ARF1: variants seen among roughly 807,000 people sequenced by gnomAD.
ARF1 encodes the protein ADP-ribosylation factor 1.
ARF1 carries 1 observed loss-of-function variant against 18.0 expected under a neutral mutation model. The ratio of observed to expected loss-of-function variants is 0.06; its 90% confidence interval spans 0.02 to 0.26. The LOEUF is 0.26. Among genes scored for constraint, ARF1 ranks in the 10% least tolerant of loss-of-function variants. ARF1 has a pLI of 1.00. For synonymous variants in ARF1, 112 were observed against 96.3 expected, an observed-to-expected ratio of 1.16 and a Z score of -0.95; for missense variants, 73 against 247.2, an observed-to-expected ratio of 0.30 and a Z score of 4.73.
At position 228,098,251 on chromosome 1, in the gene ARF1, T is replaced by G. The variant is rs1251851861; in HGVS notation, c.*238T>G. The G allele has an allele frequency of 2.3e-6, 1 of 427,692 alleles. No individual in the cohort carries two copies. The highest frequency in any genetic ancestry group is 4.1e-6 in the Non-Finnish European group (1 of 246,812). The allele number at this position is 427,692 out of a possible 1,614,324, so 26.5% of individuals were successfully genotyped here. On this transcript the variant is annotated 3_prime_UTR_variant, in exon 5 of 5. Transcript: ENST00000272102. ...CTATGCAATATTACTCAGCTTTTTT[T>G]ATTGTAAAAAGAAAAATCAACTCAC...
At chr1:228,095,844 T>C (rs2032727380) in intron 1 of ARF1, among the ~76,000 whole-genome samples, 1 of 152,212 alleles carries the variant, frequency 6.6e-6, no homozygotes, top group African/African-American at 2.4e-5. Flanking sequence ...GTGGTCTTCC[T>C]CTGGGCTTAG....
intron 1 of ARF1, among the ~76,000 whole-genome samples, chr1:228,087,538 G>T (rs550062351): frequency 3.9e-4 from 59 of 152,314 alleles, no homozygotes; most frequent in African/African-American, 1.4e-3. Flanking sequence ...TTGGGAGGCT[G>T]AGGCAGGAGA....
At position 228,089,601 on chromosome 1, in the gene ARF1, A is replaced by G. The variant is rs1462972243; in HGVS notation, c.-38+6836A>G. ...AAATCAAGTTTTAGGCATTGGCTCA[A>G]TCACTGGTGCAGCCATTGCATTAAT... On this transcript the variant is annotated intron_variant, in intron 1 of 4. Transcript: ENST00000272102. The surrounding 1 kb of genome is among the most constrained non-coding windows in gnomAD (Gnocchi z 4.1). Among the ~76,000 whole-genome samples, 1 of 152,226 alleles carries G rather than the reference A, an allele frequency of 6.6e-6. No homozygotes were observed. Among genetic ancestry groups the G allele is most frequent in the Non-Finnish European group, 1.5e-5 (1 of 68,046 alleles).
chr1:228,088,985 C>G (rs545256038), intron 1 of ARF1, among the ~76,000 whole-genome samples: 122 of 152,266 alleles, frequency 8.0e-4, no homozygotes, highest in Non-Finnish European at 1.4e-3. Context: ...AGTAGAACAT[C>G]GGGTCACCTG....
At chr1:228,090,954 C>T (rs113688673) in intron 1 of ARF1, 1,736 of 152,346 alleles carry the variant, frequency 0.011, 16 homozygotes, top group Middle Eastern at 0.02. Context: ...CCTGGGAGTC[C>T]ACCTGGTGTG....
chr1:228,097,725 C>T lies in ARF1; in HGVS notation c.384+10C>T, dbSNP rs975692572. 6.9e-6 allele frequency: 11 copies of T among 1,601,672 alleles called. No individual in the cohort carries two copies. The highest frequency in any genetic ancestry group is 2.2e-5 in the East Asian group (1 of 44,796). Reference sequence around the variant, plus strand: ...GTTCGCCAACAAGCAGGTAGGCGCCCGGGCCAGCCTGGGGAATGTGAGGAG... The same window carrying T: ...GTTCGCCAACAAGCAGGTAGGCGCCTGGGCCAGCCTGGGGAATGTGAGGAG... On this transcript the variant is annotated intron_variant, in intron 4 of 4. Transcript: ENST00000272102. This position sits in a 1 kb window ranked among gnomAD's most constrained non-coding sequence, Gnocchi z 8.1.
chr1:228,096,238 G>C (rs1040562564), intron 1 of ARF1, among the ~76,000 whole-genome samples: 1 of 152,244 alleles, frequency 6.6e-6, no homozygotes. Context: ...ATGAGGGGTG[G>C]GTGTGCTCAC....
rs1052661485 is a variant in ARF1 at position 228,089,909 on chromosome 1, T to C, written c.-38+7144T>C. On this transcript the variant is annotated intron_variant, in intron 1 of 4. Coordinates refer to ENST00000272102, the MANE Select transcript of ARF1 (RefSeq NM_001658.4). The surrounding 1 kb of genome is among the most constrained non-coding windows in gnomAD (Gnocchi z 4.1). ...AGTTCAGGAAGTGAACTGGCAAAAC[T>C]GAGTATCACCCTCTCTTCCTGGGTT... 3.9e-5 allele frequency among the ~76,000 whole-genome samples: 6 copies of C among 152,196 alleles called. No homozygotes were observed. Among genetic ancestry groups the C allele is most frequent in the African/African-American group, 1.4e-4 (6 of 41,444 alleles).
At position 228,098,774 on chromosome 1, in the gene ARF1, C is replaced by T. The variant is rs1249045110; in HGVS notation, c.*761C>T. ...GGGACGCAGGGCCCCATCTGTCCCT[C>T]GGTCGCCGTGTGGCCAGAGTGGGTC... On this transcript the variant is annotated 3_prime_UTR_variant, in exon 5 of 5. Coordinates refer to ENST00000272102, the MANE Select transcript of ARF1 (RefSeq NM_001658.4). The T allele has an allele frequency of 1.3e-5, 2 of 152,684 alleles. No individual in the cohort carries two copies. The highest frequency in any genetic ancestry group is 2.9e-5 in the Non-Finnish European group (2 of 68,056). The allele number at this position is 152,684 out of a possible 1,614,324, so 9.5% of individuals were successfully genotyped here.
chr1:228,086,360 A>C (rs1195345541), intron 1 of ARF1, among the ~76,000 whole-genome samples: 2 of 151,960 alleles, frequency 1.3e-5, no homozygotes, highest in Non-Finnish European at 1.5e-5. Context: ...CTAAAAATAC[A>C]AAAAAATAGG....
intron 1 of ARF1, among the ~76,000 whole-genome samples, chr1:228,092,363 G>A (rs548879731): frequency 2.0e-5 from 3 of 152,270 alleles, no homozygotes; most frequent in South Asian, 2.1e-4. Flanking sequence ...TGGGAGGTTC[G>A]CTTGAGCCCA....
At chr1:228,091,274 C>T (rs903566300) in intron 1 of ARF1, among the ~76,000 whole-genome samples, 2 of 152,134 alleles carry the variant, frequency 1.3e-5, no homozygotes, top group African/African-American at 4.8e-5. Flanking sequence ...CACTGATTGC[C>T]CCACCTGAAA....
chr1:228,086,076 G>C (rs1024410965), intron 1 of ARF1, among the ~76,000 whole-genome samples: 10 of 152,098 alleles, frequency 6.6e-5, no homozygotes, highest in Non-Finnish European at 1.0e-4. Context: ...AGATTGAGCT[G>C]GTCACCAATA....
intron 1 of ARF1, among the ~76,000 whole-genome samples, chr1:228,084,317 TAG>T (rs1446488852): frequency 3.9e-5 from 6 of 152,256 alleles, no homozygotes; most frequent in Non-Finnish European, 1.5e-5. Context: ...GACACATTGT[TAG>T]AGTGTGTTGT....
At chr1:228,090,252 G>A (rs2032535618) in intron 1 of ARF1, among the ~76,000 whole-genome samples, 1 of 152,226 alleles carries the variant, frequency 6.6e-6, no homozygotes, top group South Asian at 2.1e-4. Context: ...GCACAGCATA[G>A]GCGCCTGGCA....
intron 1 of ARF1, among the ~76,000 whole-genome samples, chr1:228,085,665 GAA>G (rs565231002): frequency 1.8e-4 from 28 of 152,210 alleles, no homozygotes; most frequent in Non-Finnish European, 3.4e-4. Context: ...AATGACAAGA[GAA>G]GAGACAGGGA....
At position 228,098,072 on chromosome 1, in the gene ARF1, G is replaced by C; in HGVS notation, c.*59G>C. 6.5e-7 allele frequency: 1 copy of C among 1,543,300 alleles called. No individual in the cohort carries two copies. Among genetic ancestry groups the C allele is most frequent in the Non-Finnish European group, 8.8e-7 (1 of 1,139,540 alleles). On this transcript the variant is annotated 3_prime_UTR_variant, in exon 5 of 5. Coordinates refer to ENST00000272102, the MANE Select transcript of ARF1 (RefSeq NM_001658.4). ...TCTGCTTTACTCTCATGTGGCAAAC[G>C]TGCGGCTCGTGGTGTGAGTGCCAGA...
At chr1:228,094,115 TG>T (rs1281754018) in intron 1 of ARF1, among the ~76,000 whole-genome samples, 3 of 149,696 alleles carry the variant, frequency 2.0e-5, no homozygotes, top group Non-Finnish European at 3.0e-5. Context: ...CGGACAGTGC[TG>T]GGGTCGAGGG....
Position 228,097,912 on chromosome 1 carries a change from C to T in ARF1, c.445C>T (p.Arg149Cys). The T allele has an allele frequency of 6.2e-7, 1 of 1,614,180 alleles. No individual in the cohort carries two copies. Among genetic ancestry groups the T allele is most frequent in the Non-Finnish European group, 8.5e-7 (1 of 1,180,018 alleles). ...ITDKLGLHSL[R>C]HRNWYIQATC... Reference sequence around the variant, plus strand: ...AGACAAGCTGGGGCTGCACTCACTACGCCACAGGAACTGGTACATTCAGGC... The same window carrying T: ...AGACAAGCTGGGGCTGCACTCACTATGCCACAGGAACTGGTACATTCAGGC... The change falls in exon 5 of 5, where the codon CGC becomes TGC. Residue 149 changes from arginine (R) to cysteine (C), a missense_variant. Coordinates refer to ENST00000272102, the MANE Select transcript of ARF1 (RefSeq NM_001658.4). The surrounding 1 kb of genome is among the most constrained non-coding windows in gnomAD (Gnocchi z 8.1).
Sources: allele counts gnomAD v4.1 joint callset (sites outside exome capture counted in the v4.1 genomes callset), GRCh38; gene constraint gnomAD v4.1.1; non-coding constraint Gnocchi (gnomAD v3.1); transcripts MANE v1.5; gene names NCBI Gene and HGNC (gene_info 2026-07-23, HGNC 2026-07-21).